Variants in CEP170 observed in about 807,000 individuals in gnomAD.
The protein encoded by CEP170 is centrosomal protein 170, also known as centrosomal protein of 170 kDa.
CEP170 carries 21 observed loss-of-function variants against 151.9 expected under a neutral mutation model. The observed-to-expected ratio is 0.14, with a 90% CI of 0.10 to 0.20. The LOEUF (loss-of-function observed/expected upper bound fraction) is 0.20. CEP170 is among the 10% of genes least tolerant of loss of function. The pLI, the probability that CEP170 is intolerant of heterozygous loss-of-function variation, is 1.00. For synonymous variants in CEP170, 356 were observed against 648.8 expected (o/e 0.55, Z 6.86); for missense variants, 964 against 1,892.9 (o/e 0.51, Z 9.11).
intron 1 of CEP170, among the ~76,000 whole-genome samples, chr1:243,233,081 C>T (rs1030073512): frequency 6.6e-6 from 1 of 152,196 alleles, no homozygotes; most frequent in Admixed American, 6.5e-5. Flanking sequence ...TTATAGTCCT[C>T]TTCGGTTGTC....
chr1:243,249,475 T>C (rs2065737694), intron 1 of CEP170, among the ~76,000 whole-genome samples: 2 of 151,958 alleles, frequency 1.3e-5, no homozygotes. Context: ...GAAGAATACA[T>C]AAGAAATAAT....
rs2066528594 is a variant in CEP170 at position 243,255,249 on chromosome 1, C to G, written c.-251G>C. On this transcript the variant is annotated 5_prime_UTR_variant, in exon 1 of 20. Transcript: ENST00000366542. ...CCACACATAGCGGTAACGGCAAAGA[C>G]CGACTGCCTAGTGCGCAGGCGCCTC... 1 of 152,840 alleles carries G rather than the reference C, an allele frequency of 6.5e-6. No homozygotes were observed. The highest frequency in any genetic ancestry group is 6.5e-5 in the Admixed American group (1 of 15,290). 9.5% of individuals were successfully genotyped at this position (152,840 alleles called of 1,614,324 possible). A position where few individuals can be genotyped will look rare whatever the true frequency, so the allele number is the denominator to read the frequency against.
chr1:243,231,373 T>A (rs548136374), intron 1 of CEP170, among the ~76,000 whole-genome samples: 17 of 151,958 alleles, frequency 1.1e-4, no homozygotes, highest in East Asian at 7.7e-4. Flanking sequence ...GTGAAAAAAA[T>A]TTTTAAAACC....
chr1:243,145,396 T>C (rs1268699337), intron 14 of CEP170, among the ~76,000 whole-genome samples: 1 of 152,226 alleles, frequency 6.6e-6, no homozygotes, highest in Non-Finnish European at 1.5e-5. Flanking sequence ...TGCCTCAGAC[T>C]ACCGAGTAGC....
At chr1:243,139,498 T>G (rs1005760394) in intron 16 of CEP170, among the ~76,000 whole-genome samples, 2 of 151,440 alleles carry the variant, frequency 1.3e-5, no homozygotes, top group African/African-American at 4.9e-5. Flanking sequence ...TAACTTGTAT[T>G]TCTACCTTCT....
At chr1:243,212,717 G>A (rs1008043581) in intron 3 of CEP170, among the ~76,000 whole-genome samples, 1 of 150,862 alleles carries the variant, frequency 6.6e-6, no homozygotes, top group East Asian at 1.9e-4. Flanking sequence ...TTTCAGGGTC[G>A]CGGTGGTGCG....
At chr1:243,143,332 C>G (rs1176766286) in intron 14 of CEP170, among the ~76,000 whole-genome samples, 1 of 152,108 alleles carries the variant, frequency 6.6e-6, no homozygotes, top group Non-Finnish European at 1.5e-5. Flanking sequence ...CTCAGAGAAC[C>G]TGAATGGCTT....
intron 11 of CEP170, 89 bp from the exon 12 acceptor site, chr1:243,169,843 G>T (rs2058706217): frequency 2.0e-6 from 3 of 1,511,950 alleles, no homozygotes; most frequent in South Asian, 1.3e-5. Context: ...ACATTAACTT[G>T]CCATACAAAC....
rs2063356033 is a variant in CEP170 at position 243,227,056 on chromosome 1, T to G, written c.-41-1735A>C. Among the ~76,000 whole-genome samples, 3 of 152,212 alleles carry G rather than the reference T, an allele frequency of 2.0e-5. No individual in the cohort carries two copies. In the South Asian group the frequency reaches 6.2e-4, roughly 31 times the overall value. ...ATTTTGTAACACCACGTATTGGTCC[T>G]TGGGAAAATATTGATTTCCTGAGTA... On this transcript the variant is annotated intron_variant, in intron 1 of 19. Transcript: ENST00000366542.
chr1:243,236,824 C>G (rs1041183315), intron 1 of CEP170, among the ~76,000 whole-genome samples: 4 of 152,210 alleles, frequency 2.6e-5, no homozygotes, highest in Non-Finnish European at 5.9e-5. Flanking sequence ...GGTTAAGGGT[C>G]TGTTACGATC....
chr1:243,162,185 C>T (rs1436376729), intron 13 of CEP170, among the ~76,000 whole-genome samples: 1 of 152,140 alleles, frequency 6.6e-6, no homozygotes, highest in African/African-American at 2.4e-5. Context: ...CTTGCATATA[C>T]TCCTGATAAT....
intron 1 of CEP170, among the ~76,000 whole-genome samples, chr1:243,231,033 ACAG>A (rs2063695779): frequency 6.6e-6 from 1 of 151,966 alleles, no homozygotes; most frequent in Non-Finnish European, 1.5e-5. Flanking sequence ...AGTAAGATAA[ACAG>A]CAGATTTCTT....
intron 4 of CEP170, among the ~76,000 whole-genome samples, chr1:243,203,190 T>C (rs1226160390): frequency 1.3e-5 from 2 of 152,192 alleles, no homozygotes; most frequent in Non-Finnish European, 2.9e-5. Flanking sequence ...TGCAGGCCTA[T>C]GTAGCTATTT....
intron 17 of CEP170, among the ~76,000 whole-genome samples, chr1:243,129,776 C>T (rs1336829170): frequency 6.6e-6 from 1 of 152,034 alleles, no homozygotes. Context: ...GTAATGCCCT[C>T]TTATCCACAG....
intron 18 of CEP170, chr1:243,128,951 A>G (rs2148159252): frequency 6.5e-6 from 1 of 153,494 alleles, no homozygotes; most frequent in South Asian, 2.1e-4. Flanking sequence ...AAACATATAA[A>G]CTGCAACCTC....
In CEP170 at chr1:243,186,333, A is replaced by G; in HGVS notation, c.1198T>C (p.Leu400=). Residue 400 remains leucine, a synonymous_variant, in exon 9 of 20, where the codon TTA becomes CTA. Transcript: ENST00000366542. ...CSKRATLEEH[L]RRHHSEHKKL... ...TTGTGTTCTGAATGGTGGCGTCTTA[A>G]GTGTTCCTCAAGAGTTGCACGTTTG... 6.2e-7 allele frequency: 1 copy of G among 1,613,756 alleles called. No homozygotes were observed. The highest frequency in any genetic ancestry group is 8.5e-7 in the Non-Finnish European group (1 of 1,179,706).
At chr1:243,232,729 G>A (rs1572540830) in intron 1 of CEP170, among the ~76,000 whole-genome samples, 1 of 152,134 alleles carries the variant, frequency 6.6e-6, no homozygotes, top group African/African-American at 2.4e-5. Flanking sequence ...ACTACTGCAG[G>A]GAATGGTAGT....
rs185187379 is a variant in CEP170, at chr1:243,169,346, T to C, written c.1843+282A>G. On this transcript the variant is annotated intron_variant, in intron 12 of 19. Coordinates refer to ENST00000366542, the MANE Select transcript of CEP170 (RefSeq NM_014812.3). ...TCCACAAAATTTCTCAAAAAAGAGT[T>C]TTATCACTTTGAATTTGTCCCCTGC... 5.7e-3 allele frequency: 1,985 copies of C among 350,804 alleles called. 15 individuals carry two copies. The highest frequency in any genetic ancestry group is 6.7e-3 in the Non-Finnish European group (1,390 of 207,092). The allele number at this position is 350,804 out of a possible 1,614,324, so 21.7% of individuals were successfully genotyped here.
rs2148766868 is a variant in CEP170 at position 243,191,398 on chromosome 1, A to T, written c.728T>A (p.Ile243Asn). The T allele has an allele frequency of 6.3e-7, 1 of 1,576,610 alleles. No individual in the cohort carries two copies. The highest frequency in any genetic ancestry group is 2.3e-5 in the East Asian group (1 of 43,544). The change falls in exon 8 of 20, where the codon ATC (isoleucine) becomes AAC (asparagine). Residue 243 changes from isoleucine to asparagine, a missense_variant. Coordinates refer to ENST00000366542, the MANE Select transcript of CEP170 (RefSeq NM_014812.3). ...TGGTTGCTGGAATTCTTTTGTAGGG[A>T]TTTCAAAATAACTTGGTTCCCTACA... ...PFCREPSYFEIPTKEFQQPSQ... is the reference protein window; with the variant it reads ...PFCREPSYFENPTKEFQQPSQ...
Sources: gnomAD v4.1 joint callset for allele counts (sites outside exome capture counted in the v4.1 genomes callset) on GRCh38, gnomAD v4.1.1 for gene constraint, MANE v1.5 for transcripts, NCBI Gene and HGNC (gene_info 2026-07-23, HGNC 2026-07-21) for gene names.